The following EFCAB6 variants were observed in gnomAD, a reference collection of about 807,000 sequenced individuals.
The protein encoded by EFCAB6 is EF-hand calcium-binding domain-containing protein 6.
Under a neutral mutation model 169.8 loss-of-function variants are expected in EFCAB6, and 156 were observed. The ratio of observed to expected loss-of-function variants is 0.92; its 90% CI spans 0.81 to 1.05. The LOEUF is 1.05. Among genes scored for constraint, EFCAB6 ranks in the 50% least tolerant of loss-of-function variants. The probability of loss-of-function intolerance (pLI) is 0.00; values close to 1 mark genes in which losing one functional copy is unlikely to be tolerated. For missense variants in EFCAB6, 1,800 were observed against 1,829.1 expected (o/e 0.98, Z 0.29); for synonymous variants, 698 against 676.4 (o/e 1.03, Z -0.50).
At chr22:43,810,299 T>C (rs1294798508) in intron 1 of EFCAB6, among the ~76,000 whole-genome samples, 1 of 152,160 alleles carries the variant, frequency 6.6e-6, no homozygotes, top group Non-Finnish European at 1.5e-5. Context: ...GTAGTTGCTG[T>C]AGTAGAAATA....
At chr22:43,594,375 A>G (rs985538384) in intron 23 of EFCAB6, among the ~76,000 whole-genome samples, 6 of 152,068 alleles carry the variant, frequency 3.9e-5, no homozygotes, top group Non-Finnish European at 8.8e-5. Flanking sequence ...ACAAGACCCA[A>G]CTATATGCTG....
intron 24 of EFCAB6, among the ~76,000 whole-genome samples, chr22:43,584,136 T>C (rs750191604): frequency 6.6e-6 from 1 of 152,160 alleles, no homozygotes; most frequent in African/African-American, 2.4e-5. Context: ...AGGTTAAATT[T>C]AACTACCTAT....
At chr22:43,734,941 A>G (rs2060079144) in intron 7 of EFCAB6, among the ~76,000 whole-genome samples, 1 of 152,170 alleles carries the variant, frequency 6.6e-6, no homozygotes, top group Admixed American at 6.5e-5. Flanking sequence ...TTTCATAGCA[A>G]CTTAGAACAC....
At chr22:43,622,797 C>A (rs1006425619) in intron 20 of EFCAB6, among the ~76,000 whole-genome samples, 3 of 152,108 alleles carry the variant, frequency 2.0e-5, no homozygotes, top group African/African-American at 7.2e-5. Context: ...AATCACCTGG[C>A]AGGATGAGAT....
chr22:43,687,562 T>C lies in EFCAB6; in HGVS notation c.1051A>G (p.Thr351Ala), dbSNP rs5764214. 0.46 allele frequency: 732,782 copies of C among 1,596,340 alleles called. 172,046 individuals are homozygous for C. The highest frequency in any genetic ancestry group is 0.5 in the African/African-American group (36,887 of 73,976). Residue 351 changes from threonine (T) to alanine (A), a missense_variant, in exon 11 of 32, where the codon ACT (threonine) becomes GCT (alanine). Thr to Ala is a moderately conservative substitution (Grantham distance 58). Transcript: ENST00000262726. ...LMKRFGLKAT[T>A]KINWKQFLTS... ...AGAAATTGCTTCCAATTGATTTTAGTGGTGGCTTTAAGTCCAAATCTGGAT... is the reference window on the plus strand; with the variant it reads ...AGAAATTGCTTCCAATTGATTTTAGCGGTGGCTTTAAGTCCAAATCTGGAT...
intron 21 of EFCAB6, among the ~76,000 whole-genome samples, chr22:43,611,874 G>A (rs1052119946): frequency 6.6e-6 from 1 of 152,118 alleles, no homozygotes; most frequent in African/African-American, 2.4e-5. Context: ...TAAGCAAAAT[G>A]AATAAAGCTA....
At chr22:43,695,629 C>G (rs574218351) in intron 10 of EFCAB6, among the ~76,000 whole-genome samples, 2 of 152,112 alleles carry the variant, frequency 1.3e-5, no homozygotes, top group African/African-American at 4.8e-5. Flanking sequence ...AGTACTGATG[C>G]GAGAATAGAC....
At chr22:43,559,298 A>G (rs1447692422) in intron 26 of EFCAB6, among the ~76,000 whole-genome samples, 1 of 152,274 alleles carries the variant, frequency 6.6e-6, no homozygotes, top group African/African-American at 2.4e-5. Flanking sequence ...AATGCAAACC[A>G]AAACCACAAT....
chr22:43,642,395 CA>C (rs879489055), intron 17 of EFCAB6, among the ~76,000 whole-genome samples: 150 of 143,656 alleles, frequency 1.0e-3, no homozygotes, highest in East Asian at 3.6e-3. Flanking sequence ...AAACAGGTAC[CA>C]AAAAAAAAAA....
At chr22:43,610,688 A>G (rs900498622) in intron 21 of EFCAB6, among the ~76,000 whole-genome samples, 2 of 152,208 alleles carry the variant, frequency 1.3e-5, no homozygotes, top group African/African-American at 4.8e-5. Flanking sequence ...TATTTAAACT[A>G]TACATATGTA....
intron 2 of EFCAB6, among the ~76,000 whole-genome samples, chr22:43,783,921 T>C (rs1319803795): frequency 1.3e-5 from 2 of 151,942 alleles, no homozygotes; most frequent in Non-Finnish European, 1.5e-5. Flanking sequence ...ATAAAGAAGA[T>C]TGACCAGGCA....
In EFCAB6 at chr22:43,554,859, C is replaced by T. The variant is rs1569149789; in HGVS notation, c.3648+10G>A. 9.9e-6 allele frequency: 16 copies of T among 1,613,332 alleles called. No individual in the cohort carries two copies. The highest frequency in any genetic ancestry group is 1.4e-5 in the Non-Finnish European group (16 of 1,179,284). On this transcript the variant is annotated intron_variant, in intron 27 of 31. Transcript: ENST00000262726. ...GGTGTGCAGGGTGAGGACTGACTGG[C>T]GTTTCTTACCTGTTCGTCCGTCAGG...
intron 8 of EFCAB6, 23 bp from the exon 9 acceptor site, chr22:43,716,995 G>T (rs1443060143): frequency 1.4e-6 from 2 of 1,460,158 alleles, no homozygotes; most frequent in Admixed American, 2.5e-5. Context: ...AATAGCTTCG[G>T]CTTATCAACA....
intron 27 of EFCAB6, among the ~76,000 whole-genome samples, chr22:43,546,317 T>TA (rs1276498961): frequency 5.3e-5 from 8 of 152,176 alleles, no homozygotes; most frequent in South Asian, 2.1e-4. Context: ...AACCTGAAGA[T>TA]AGAGTACAAC....
chr22:43,748,516 G>A (rs1415006099), intron 6 of EFCAB6, among the ~76,000 whole-genome samples: 2 of 152,082 alleles, frequency 1.3e-5, no homozygotes, highest in Non-Finnish European at 2.9e-5. Flanking sequence ...GTCTATCTAT[G>A]GTCCAAACTC....
intron 26 of EFCAB6, among the ~76,000 whole-genome samples, chr22:43,563,167 G>C (rs1008211409): frequency 6.6e-6 from 1 of 152,204 alleles, no homozygotes; most frequent in African/African-American, 2.4e-5. Context: ...GCCAGCCTAG[G>C]CTGGAAGAGG....
intron 23 of EFCAB6, among the ~76,000 whole-genome samples, chr22:43,593,053 A>G (rs564083119): frequency 4.8e-5 from 7 of 146,568 alleles, no homozygotes; most frequent in African/African-American, 1.5e-4. Flanking sequence ...GAGTGTCAGT[A>G]TAGAGGAGGA....
chr22:43,774,472 C>T (rs926450499), intron 3 of EFCAB6, among the ~76,000 whole-genome samples: 3 of 151,638 alleles, frequency 2.0e-5, no homozygotes, highest in African/African-American at 4.8e-5. Context: ...GCGCTGCCAT[C>T]GGCGATTCTC....
chr22:43,709,969 C>G (rs2059101782), intron 10 of EFCAB6, among the ~76,000 whole-genome samples: 1 of 152,190 alleles, frequency 6.6e-6, no homozygotes, highest in Non-Finnish European at 1.5e-5. Flanking sequence ...GCTGCTGTAG[C>G]TTCATGCCAC....
Sources: gnomAD v4.1 joint callset for allele counts (sites outside exome capture counted in the v4.1 genomes callset) on GRCh38, gnomAD v4.1.1 for gene constraint, MANE v1.5 for transcripts, NCBI Gene and HGNC (gene_info 2026-07-23, HGNC 2026-07-21) for gene names.